GALK2: variants seen among roughly 807,000 people sequenced by gnomAD.
GALK2 encodes galactokinase 2.
In GALK2, 36 loss-of-function variants were observed where a neutral mutation model predicts 52.4. That is an observed-to-expected ratio of 0.69 (90% CI 0.53 to 0.91). GALK2 has a LOEUF of 0.91. GALK2 is among the 40% of genes least tolerant of loss of function. GALK2 has a pLI of 0.00. For synonymous variants in GALK2, 176 were observed against 199.1 expected, an observed-to-expected ratio of 0.88 and a Z score of 0.98; for missense variants, 579 against 559.1, an observed-to-expected ratio of 1.04 and a Z score of -0.36.
intron 1 of GALK2, chr15:49,156,020 T>C: frequency 6.2e-7 from 1 of 1,614,170 alleles, no homozygotes; most frequent in Non-Finnish European, 8.5e-7. Flanking sequence ...ATGACAGGTA[T>C]TATTTCTGCT....
rs1443278469 is a variant in GALK2 at position 49,331,098 on chromosome 15, T to C, written c.*2939T>C. 2 of 152,278 alleles carry C rather than the reference T, an allele frequency of 1.3e-5. No individual in the cohort carries two copies. The highest frequency in any genetic ancestry group is 2.9e-5 in the Non-Finnish European group (2 of 68,070). 9.4% of individuals were successfully genotyped at this position (152,278 alleles called of 1,614,324 possible). On this transcript the variant is annotated 3_prime_UTR_variant, in exon 10 of 10. Coordinates refer to ENST00000560031, the MANE Select transcript of GALK2 (RefSeq NM_002044.4). Reference sequence around the variant, plus strand: ...AATTTGATTTGATCCATTTTTGACATTATACTAGCAGCCAATGGGATTGCT... The same window carrying C: ...AATTTGATTTGATCCATTTTTGACACTATACTAGCAGCCAATGGGATTGCT...
At chr15:49,341,139 C>T (rs1487835419) in intron 3 of GALK2, among the ~76,000 whole-genome samples, 1 of 152,100 alleles carries the variant, frequency 6.6e-6, no homozygotes, top group Admixed American at 6.5e-5. Flanking sequence ...GTTGTTGTAC[C>T]AGTACCATGC....
rs2037908536 is a variant in GALK2, at chr15:49,328,486, G to A, written c.*327G>A. 1 of 1,562,330 alleles carries A rather than the reference G, an allele frequency of 6.4e-7. No homozygotes were observed. The highest frequency in any genetic ancestry group is 8.7e-7 in the Non-Finnish European group (1 of 1,152,312). On this transcript the variant is annotated 3_prime_UTR_variant, in exon 10 of 10. Transcript: ENST00000560031. ...AATACTGATTACATGGATTGGACTT[G>A]AATTAAATATATTGTTACAATTAAA...
chr15:49,170,543 G>C (rs2085002514), intron 1 of GALK2, 168 bp downstream of exon 1: 1 of 628,892 alleles, frequency 1.6e-6, no homozygotes, highest in Admixed American at 2.9e-5. Flanking sequence ...AAAAGATCAC[G>C]CCGCAAACAC....
In GALK2 at chr15:49,170,273, GCTTTGCTTAGACA is replaced by G. The variant is rs767298911; in HGVS notation, c.-46_-34del. ...CAGAAGTCTCGTGATTGCTCTGGGA[GCTTTGCTTAGACA>G]CTTGAAACTACAGGAGAAAGAAGGA... On this transcript the variant is annotated 5_prime_UTR_variant, in exon 1 of 10. Coordinates refer to ENST00000560031, the MANE Select transcript of GALK2 (RefSeq NM_002044.4). The G allele has an allele frequency of 1.1e-5, 17 of 1,556,384 alleles. No homozygotes were observed. The highest frequency in any genetic ancestry group is 4.1e-5 in the African/African-American group (3 of 73,456).
At chr15:49,307,434 T>C (rs1056108942) in intron 8 of GALK2, among the ~76,000 whole-genome samples, 1 of 152,142 alleles carries the variant, frequency 6.6e-6, no homozygotes. Context: ...TGTTATGGTA[T>C]GTATGAGCAG....
chr15:49,328,802 A>G lies in GALK2; in HGVS notation c.*643A>G. Reference sequence around the variant, plus strand: ...TTTTTTTTTTTTTGACAAAAGGAGGATACAGGAAGAAAATTCAGACTCATT... The same window carrying G: ...TTTTTTTTTTTTTGACAAAAGGAGGGTACAGGAAGAAAATTCAGACTCATT... On this transcript the variant is annotated 3_prime_UTR_variant, in exon 10 of 10. Transcript: ENST00000560031. 1 of 1,422,196 alleles carries G rather than the reference A, an allele frequency of 7.0e-7. No individual in the cohort carries two copies. The highest frequency in any genetic ancestry group is 9.2e-7 in the Non-Finnish European group (1 of 1,090,434). 88.1% of individuals were successfully genotyped at this position (1,422,196 alleles called of 1,614,324 possible). A position where few individuals can be genotyped will look rare whatever the true frequency, so the allele number is the denominator to read the frequency against.
intron 9 of GALK2, among the ~76,000 whole-genome samples, chr15:49,326,254 C>G (rs1011308896): frequency 1.6e-4 from 20 of 126,280 alleles, no homozygotes; most frequent in Admixed American, 7.9e-5. Context: ...ATATGACAAC[C>G]ATTTTTTTTT....
At chr15:49,295,337 A>ATC (rs1567032842) in intron 8 of GALK2, among the ~76,000 whole-genome samples, 8 of 149,522 alleles carry the variant, frequency 5.4e-5, no homozygotes, top group Middle Eastern at 6.9e-3. Flanking sequence ...CTCTATCTAT[A>ATC]TATATATATA....
At chr15:49,210,191 T>C (rs1595677538) in intron 2 of GALK2, among the ~76,000 whole-genome samples, 1 of 86,308 alleles carries the variant, frequency 1.2e-5, no homozygotes, top group Non-Finnish European at 2.5e-5. Context: ...TCCTTTTCTG[T>C]TTTTTTTAAT....
chr15:49,277,807 A>G (rs2032079394), intron 5 of GALK2, among the ~76,000 whole-genome samples: 1 of 151,908 alleles, frequency 6.6e-6, no homozygotes, highest in Admixed American at 6.5e-5. Flanking sequence ...ACAAACGAAC[A>G]AACAAAAAAG....
intron 8 of GALK2, among the ~76,000 whole-genome samples, chr15:49,292,911 C>T (rs2034085957): frequency 6.6e-6 from 1 of 152,058 alleles, no homozygotes; most frequent in Non-Finnish European, 1.5e-5. Context: ...ATAAAGTGTT[C>T]ACGTCTTAGG....
intron 7 of GALK2, among the ~76,000 whole-genome samples, chr15:49,284,736 T>C (rs1381335088): frequency 6.6e-6 from 1 of 152,176 alleles, no homozygotes; most frequent in Admixed American, 6.5e-5. Context: ...CCAAAAGTGA[T>C]TTTCTCCCAT....
chr15:49,289,865 A>G (rs559228331), intron 7 of GALK2, among the ~76,000 whole-genome samples: 1 of 152,186 alleles, frequency 6.6e-6, no homozygotes, highest in South Asian at 2.1e-4. Context: ...ACCATTTATC[A>G]GTGCCTCTTT....
chr15:49,204,640 T>G (rs1457565101), intron 2 of GALK2, among the ~76,000 whole-genome samples: 1 of 152,208 alleles, frequency 6.6e-6, no homozygotes, highest in Non-Finnish European at 1.5e-5. Flanking sequence ...AGTCTGTTAT[T>G]GGTGTATAGA....
intron 5 of GALK2, among the ~76,000 whole-genome samples, chr15:49,280,678 G>A (rs372484771): frequency 4.6e-5 from 7 of 152,138 alleles, no homozygotes; most frequent in East Asian, 3.9e-4. Context: ...ATAAGGGCCC[G>A]AATAAAGTCT....
intron 1 of GALK2, among the ~76,000 whole-genome samples, chr15:49,162,083 A>G (rs991695785): frequency 6.6e-6 from 1 of 152,226 alleles, no homozygotes; most frequent in Non-Finnish European, 1.5e-5. Flanking sequence ...ACGACACAAG[A>G]TAATGAACAT....
Position 49,329,867 on chromosome 15 carries a change from G to C in GALK2, c.*1708G>C. The C allele has an allele frequency of 1.6e-6, 1 of 641,434 alleles. No individual in the cohort carries two copies. The highest frequency in any genetic ancestry group is 1.9e-6 in the Non-Finnish European group (1 of 517,052). 39.7% of individuals were successfully genotyped at this position (641,434 alleles called of 1,614,324 possible). Reference sequence around the variant, plus strand: ...GCTGTTCCATTTACAATTTTCACCAGGTGATTTCTTCTTCACAAAAGGTGA... The same window carrying C: ...GCTGTTCCATTTACAATTTTCACCACGTGATTTCTTCTTCACAAAAGGTGA... On this transcript the variant is annotated 3_prime_UTR_variant, in exon 10 of 10. Coordinates refer to ENST00000560031, the MANE Select transcript of GALK2 (RefSeq NM_002044.4).
At chr15:49,275,343 A>G (rs1319449797) in intron 5 of GALK2, among the ~76,000 whole-genome samples, 1 of 152,224 alleles carries the variant, frequency 6.6e-6, no homozygotes, top group Non-Finnish European at 1.5e-5. Context: ...GGCAAACAGA[A>G]GCTGTCACTC....
Sources: allele counts gnomAD v4.1 joint callset (sites outside exome capture counted in the v4.1 genomes callset), GRCh38; gene constraint gnomAD v4.1.1; transcripts MANE v1.5; gene names NCBI Gene and HGNC (gene_info 2026-07-23, HGNC 2026-07-21).